Variants in WWOX observed in about 807,000 individuals in gnomAD.
WWOX encodes WW domain containing oxidoreductase, also known as WW domain-containing oxidoreductase.
In WWOX, 69 loss-of-function variants were observed where a neutral mutation model predicts 46.2. That is an observed-to-expected ratio of 1.49 (90% CI 1.23 to 1.82). The LOEUF (loss-of-function observed/expected upper bound fraction) is 1.82. WWOX is among the 40% of genes most tolerant of loss of function. WWOX has a pLI of 0.00. For synonymous variants in WWOX, 359 were observed against 202.6 expected (o/e 1.77, Z -6.56); for missense variants, 919 against 542.6 (o/e 1.69, Z -6.89).
At chr16:78,376,583 C>T (rs987284337) in intron 5 of WWOX, among the ~76,000 whole-genome samples, 1 of 152,202 alleles carries the variant, frequency 6.6e-6, no homozygotes, top group African/African-American at 2.4e-5. Flanking sequence ...TGACAAACCA[C>T]ACGCAGGCAT....
At chr16:78,951,736 C>T (rs952536669) in intron 8 of WWOX, among the ~76,000 whole-genome samples, 1 of 152,032 alleles carries the variant, frequency 6.6e-6, no homozygotes, top group Non-Finnish European at 1.5e-5. Flanking sequence ...AGGCCTGGGC[C>T]CATGGAAGGG....
In WWOX at chr16:78,344,002, G is replaced by A. The variant is rs193216218; in HGVS notation, c.517-42858G>A. 3.7e-3 allele frequency among the ~76,000 whole-genome samples: 445 copies of A among 118,940 alleles called. 138 individuals are homozygous for A. The highest frequency in any genetic ancestry group is 7.7e-3 in the Non-Finnish European group (386 of 50,004). 78.0% of individuals were successfully genotyped at this position (118,940 alleles called of 152,430 possible). On this transcript the variant is annotated intron_variant, in intron 5 of 8. Transcript: ENST00000566780. The stretch of plus-strand genomic sequence containing the variant: ...TGCTCTTTTTCTGCCCCTCATGCCG[G>A]CTCCTTCCTCCCACATCACCCCACA...
chr16:78,792,999 T>A (rs2050644319), intron 8 of WWOX, among the ~76,000 whole-genome samples: 1 of 152,162 alleles, frequency 6.6e-6, no homozygotes, highest in Non-Finnish European at 1.5e-5. Flanking sequence ...TACCATTAAG[T>A]CCCTTAAGAT....
At chr16:78,762,553 A>G (rs931903162) in intron 8 of WWOX, among the ~76,000 whole-genome samples, 8 of 152,206 alleles carry the variant, frequency 5.3e-5, no homozygotes, top group African/African-American at 9.6e-5. Flanking sequence ...ATAGGGCAGC[A>G]CACTGCTGCC....
Position 78,598,731 on chromosome 16 carries a change from C to T in WWOX, c.1056+165979C>T, listed in dbSNP as rs1326090546. Among the ~76,000 whole-genome samples the T allele has an allele frequency of 3.3e-5, 5 of 152,200 alleles. No homozygotes were observed. The South Asian group carries it at 6.2e-4, about 19-fold the overall frequency. ...AAAGGAGTTAATATGCCAGTGACTACAGTGTGCCTGGAAAGGTCACTGGAG... is the reference window on the plus strand; with the variant it reads ...AAAGGAGTTAATATGCCAGTGACTATAGTGTGCCTGGAAAGGTCACTGGAG... On this transcript the variant is annotated intron_variant, in intron 8 of 8. Coordinates refer to ENST00000566780, the MANE Select transcript of WWOX (RefSeq NM_016373.4).
intron 8 of WWOX, among the ~76,000 whole-genome samples, chr16:78,854,781 A>G (rs2052529373): frequency 6.6e-6 from 1 of 152,018 alleles, no homozygotes; most frequent in Admixed American, 6.6e-5. Flanking sequence ...GGGTTTCACC[A>G]CTTTTGGCCA....
intron 8 of WWOX, among the ~76,000 whole-genome samples, chr16:78,610,839 G>C (rs2045883729): frequency 6.6e-6 from 1 of 152,092 alleles, no homozygotes; most frequent in Non-Finnish European, 1.5e-5. Flanking sequence ...TTAATAGTTT[G>C]TATTTACAAA....
chr16:78,335,592 A>G (rs1210167480), intron 5 of WWOX, among the ~76,000 whole-genome samples: 3 of 152,182 alleles, frequency 2.0e-5, no homozygotes, highest in African/African-American at 7.2e-5. Flanking sequence ...CAATCCCATT[A>G]CTGGGTATGT....
rs2079772054 is a variant in WWOX at position 78,286,661 on chromosome 16, A to G, written c.517-100199A>G. Among the ~76,000 whole-genome samples, 3 of 152,046 alleles carry G rather than the reference A, an allele frequency of 2.0e-5. No homozygotes were observed. In the South Asian group the frequency reaches 6.2e-4, roughly 31 times the overall value. The stretch of plus-strand genomic sequence containing the variant: ...ACTTTTGGTATGATTTATAAGTAGT[A>G]TATTTGGGCAGACTCTTCATACTCA... On this transcript the variant is annotated intron_variant, in intron 5 of 8. Transcript: ENST00000566780.
chr16:78,710,796 G>C (rs1200458908), intron 8 of WWOX, among the ~76,000 whole-genome samples: 1 of 151,166 alleles, frequency 6.6e-6, no homozygotes, highest in Non-Finnish European at 1.5e-5. Flanking sequence ...TTAATTTTTT[G>C]TAGAGATAGG....
At chr16:78,192,285 A>T (rs2035906996) in intron 5 of WWOX, among the ~76,000 whole-genome samples, 1 of 152,190 alleles carries the variant, frequency 6.6e-6, no homozygotes, top group Non-Finnish European at 1.5e-5. Flanking sequence ...ACATGAGGTC[A>T]GGAATTCGAG....
chr16:79,108,073 A>G (rs1343432295), intron 8 of WWOX, among the ~76,000 whole-genome samples: 3 of 152,218 alleles, frequency 2.0e-5, no homozygotes. Context: ...TGATTGTCTT[A>G]TCTATTATCA....
intron 7 of WWOX, among the ~76,000 whole-genome samples, chr16:78,428,693 A>G (rs6564555): frequency 0.2 from 30,692 of 152,094 alleles, 4,492 homozygotes; most frequent in African/African-American, 0.4. Context: ...AAATACTGAA[A>G]CAGGGACCTT....
chr16:78,505,001 T>C (rs1360551399), intron 8 of WWOX, among the ~76,000 whole-genome samples: 2 of 152,182 alleles, frequency 1.3e-5, no homozygotes, highest in Non-Finnish European at 2.9e-5. Flanking sequence ...TATGCCTTTG[T>C]GCACGAAAGG....
intron 4 of WWOX, among the ~76,000 whole-genome samples, chr16:78,121,559 A>G (rs2033093363): frequency 6.6e-6 from 1 of 152,226 alleles, no homozygotes; most frequent in Non-Finnish European, 1.5e-5. Context: ...ATAATTTGGT[A>G]ATCTCATGTA....
At chr16:78,421,398 G>A (rs2082926936) in intron 6 of WWOX, among the ~76,000 whole-genome samples, 2 of 152,232 alleles carry the variant, frequency 1.3e-5, no homozygotes, top group African/African-American at 2.4e-5. Context: ...CTCCTTCTCT[G>A]TGGGTGTTCC....
intron 4 of WWOX, among the ~76,000 whole-genome samples, chr16:78,118,045 CTTTT>C (rs34141728): frequency 2.2e-5 from 3 of 138,418 alleles, no homozygotes; most frequent in Non-Finnish European, 4.8e-5. Context: ...TTCTTTCTTT[CTTTT>C]TTTTTTTTAA....
At chr16:78,747,943 C>T (rs1174098034) in intron 8 of WWOX, among the ~76,000 whole-genome samples, 4 of 152,182 alleles carry the variant, frequency 2.6e-5, no homozygotes, top group African/African-American at 7.2e-5. Flanking sequence ...CAGCATCCTG[C>T]AGCCGAAATA....
intron 8 of WWOX, among the ~76,000 whole-genome samples, chr16:79,044,380 G>T (rs936136930): frequency 6.6e-6 from 1 of 152,152 alleles, no homozygotes; most frequent in Non-Finnish European, 1.5e-5. Context: ...GGGTCATGGG[G>T]GTGGATTTCT....
Sources: allele counts gnomAD v4.1 joint callset (sites outside exome capture counted in the v4.1 genomes callset), GRCh38; gene constraint gnomAD v4.1.1; transcripts MANE v1.5; gene names NCBI Gene and HGNC (gene_info 2026-07-23, HGNC 2026-07-21).